SLC25A37: variants seen among roughly 807,000 people sequenced by gnomAD.
The protein encoded by SLC25A37 is solute carrier family 25 member 37.
Under a neutral mutation model 31.0 loss-of-function variants are expected in SLC25A37, and 17 were observed. That is an observed-to-expected ratio of 0.55 (90% CI 0.38 to 0.82). SLC25A37 has a LOEUF of 0.82. Ranked by LOEUF, SLC25A37 falls within the 40% of genes least tolerant of loss-of-function variation. SLC25A37 has a pLI of 0.00. For synonymous variants in SLC25A37, 222 were observed against 193.0 expected (o/e 1.15, Z -1.24); for missense variants, 404 against 465.8 (o/e 0.87, Z 1.22).
chr8:23,570,113 G>A (rs1312193119), intron 3 of SLC25A37, among the ~76,000 whole-genome samples: 1 of 152,128 alleles, frequency 6.6e-6, no homozygotes, highest in Admixed American at 6.5e-5. Flanking sequence ...TGGTCTGGGT[G>A]CTGAGGTTGA....
chr8:23,533,901 G>T (rs529680389), intron 1 of SLC25A37, among the ~76,000 whole-genome samples: 2 of 152,208 alleles, frequency 1.3e-5, no homozygotes, highest in African/African-American at 4.8e-5. Context: ...TTTGTCATAG[G>T]AGGGGTATAT....
Position 23,571,320 on chromosome 8 carries a change from C to G in SLC25A37, c.497-15C>G. On this transcript the variant is annotated splice_polypyrimidine_tract_variant and intron_variant, in intron 3 of 3. Transcript: ENST00000519973. ...CTGGCTGTCCGTCTGGCCTGCCCCG[C>G]GGTTCCAACCACAGTGGTGAAGCAG... The G allele has an allele frequency of 1.3e-6, 2 of 1,541,394 alleles. No individual in the cohort carries two copies. The highest frequency in any genetic ancestry group is 1.3e-5 in the South Asian group (1 of 79,192).
intron 1 of SLC25A37, among the ~76,000 whole-genome samples, chr8:23,553,491 TG>T (rs1802283191): frequency 1.3e-5 from 2 of 151,996 alleles, no homozygotes; most frequent in Non-Finnish European, 2.9e-5. Context: ...TCCTTACTTA[TG>T]AGTGGGATGT....
At position 23,546,539 on chromosome 8, in the gene SLC25A37, A is replaced by ATG. The variant is rs1802052623; in HGVS notation, c.210+17328_210+17329insGT. Among the ~76,000 whole-genome samples the ATG allele has an allele frequency of 1.2e-4, 3 of 24,484 alleles. No homozygotes were observed. The East Asian group carries it at 2.7e-3, about 22-fold the overall frequency. The allele number at this position is 24,484 out of a possible 152,430, so 16.1% of individuals were successfully genotyped here. On this transcript the variant is annotated intron_variant, in intron 1 of 3. Coordinates refer to ENST00000519973, the MANE Select transcript of SLC25A37 (RefSeq NM_016612.4). ...TATATATATATATAGGTGTATATAT[A>ATG]TATATATATATATAGTGTATATATA...
intron 1 of SLC25A37, among the ~76,000 whole-genome samples, chr8:23,537,274 C>A (rs1801789513): frequency 6.6e-6 from 1 of 151,634 alleles, no homozygotes; most frequent in South Asian, 2.1e-4. Flanking sequence ...TGTTTTTCTC[C>A]CCAGCAGTTG....
chr8:23,550,385 C>T (rs1443387020), intron 1 of SLC25A37, among the ~76,000 whole-genome samples: 3 of 152,090 alleles, frequency 2.0e-5, no homozygotes, highest in Admixed American at 6.6e-5. Context: ...CACATGCAGA[C>T]GCATCACTTG....
At chr8:23,552,151 T>C (rs1399117006) in intron 1 of SLC25A37, among the ~76,000 whole-genome samples, 1 of 152,228 alleles carries the variant, frequency 6.6e-6, no homozygotes, top group East Asian at 1.9e-4. Context: ...TGGTTCTTAA[T>C]GATAATTTAA....
intron 1 of SLC25A37, among the ~76,000 whole-genome samples, chr8:23,547,685 GA>G (rs1168510801): frequency 3.3e-5 from 5 of 152,226 alleles, no homozygotes; most frequent in African/African-American, 1.2e-4. Context: ...GCAGTGGTGG[GA>G]AGGACCAGCG....
intron 1 of SLC25A37, among the ~76,000 whole-genome samples, chr8:23,535,805 T>G (rs996310470): frequency 1.3e-5 from 2 of 151,768 alleles, no homozygotes; most frequent in African/African-American, 4.8e-5. Flanking sequence ...GTGAAAGGGG[T>G]TTTCCCCATA....
At chr8:23,546,608 G>GTATATATA (rs1563256347) in intron 1 of SLC25A37, among the ~76,000 whole-genome samples, 1 of 87,660 alleles carries the variant, frequency 1.1e-5, no homozygotes, top group South Asian at 3.4e-4. Context: ...GTGTATGTGT[G>GTATATATA]TGTGTGTGTG....
chr8:23,528,961 T>A lies in SLC25A37; in HGVS notation c.-42T>A. 1 of 1,411,050 alleles carries A rather than the reference T, an allele frequency of 7.1e-7. No homozygotes were observed. Among genetic ancestry groups the A allele is most frequent in the Non-Finnish European group, 9.3e-7 (1 of 1,079,464 alleles). The allele number at this position is 1,411,050 out of a possible 1,614,324, so 87.4% of individuals were successfully genotyped here. On this transcript the variant is annotated 5_prime_UTR_variant, in exon 1 of 4. Coordinates refer to ENST00000519973, the MANE Select transcript of SLC25A37 (RefSeq NM_016612.4). The stretch of plus-strand genomic sequence containing the variant: ...GAAGTTTTGCGCCCCTCCCCCTCCC[T>A]GCCCACCTCCTGCAGCCTCCTGCGC...
At chr8:23,535,614 A>G (rs530456477) in intron 1 of SLC25A37, among the ~76,000 whole-genome samples, 122 of 152,300 alleles carry the variant, frequency 8.0e-4, no homozygotes, top group Non-Finnish European at 9.3e-4. Context: ...AAGTGGGGAT[A>G]TGAATACTGT....
chr8:23,573,712 GC>G lies in SLC25A37; in HGVS notation c.*1859del, dbSNP rs766869447. On this transcript the variant is annotated 3_prime_UTR_variant, in exon 4 of 4. Coordinates refer to ENST00000519973, the MANE Select transcript of SLC25A37 (RefSeq NM_016612.4). The stretch of plus-strand genomic sequence containing the variant: ...TTTTTCAGATCAGGGATGGGAAAGA[GC>G]CAAACTGGGTACCTCCCACGTGTGC... The G allele has an allele frequency of 1.1e-4, 47 of 439,122 alleles. No homozygotes were observed. The highest frequency in any genetic ancestry group is 3.3e-4 in the Middle Eastern group (1 of 3,036). The allele number at this position is 439,122 out of a possible 1,614,324, so 27.2% of individuals were successfully genotyped here.
rs1195062160 is a variant in SLC25A37 at position 23,575,008 on chromosome 8, A to T, written c.*3153A>T. On this transcript the variant is annotated 3_prime_UTR_variant, in exon 4 of 4. Coordinates refer to ENST00000519973, the MANE Select transcript of SLC25A37 (RefSeq NM_016612.4). ...AACTGATTTTTTCCAAATGGGTGAAATCTTCTCCCCATGACTATGTTTTCT... is the reference window on the plus strand; with the variant it reads ...AACTGATTTTTTCCAAATGGGTGAATTCTTCTCCCCATGACTATGTTTTCT... 1.3e-5 allele frequency: 2 copies of T among 152,204 alleles called. No homozygotes were observed. The highest frequency in any genetic ancestry group is 1.3e-4 in the Admixed American group (2 of 15,286). 9.4% of individuals were successfully genotyped at this position (152,204 alleles called of 1,614,324 possible). A position where few individuals can be genotyped will look rare whatever the true frequency, so the allele number is the denominator to read the frequency against.
At chr8:23,551,407 C>T (rs2928673) in intron 1 of SLC25A37, among the ~76,000 whole-genome samples, 71,672 of 151,786 alleles carry the variant, frequency 0.47, 17,508 homozygotes, top group African/African-American at 0.6. Flanking sequence ...GTTGGGGCAG[C>T]TGAAGGGAAG....
At position 23,575,009 on chromosome 8, in the gene SLC25A37, T is replaced by C. The variant is rs1276464471; in HGVS notation, c.*3154T>C. The C allele has an allele frequency of 1.3e-5, 2 of 152,278 alleles. No individual in the cohort carries two copies. Among genetic ancestry groups the C allele is most frequent in the African/African-American group, 2.4e-5 (1 of 41,462 alleles). The allele number at this position is 152,278 out of a possible 1,614,324, so 9.4% of individuals were successfully genotyped here. A position where few individuals can be genotyped will look rare whatever the true frequency, so the allele number is the denominator to read the frequency against. ...ACTGATTTTTTCCAAATGGGTGAAA[T>C]CTTCTCCCCATGACTATGTTTTCTT... On this transcript the variant is annotated 3_prime_UTR_variant, in exon 4 of 4. Coordinates refer to ENST00000519973, the MANE Select transcript of SLC25A37 (RefSeq NM_016612.4).
intron 1 of SLC25A37, among the ~76,000 whole-genome samples, chr8:23,545,587 CA>C (rs1802013530): frequency 6.6e-6 from 1 of 152,208 alleles, no homozygotes; most frequent in Admixed American, 6.5e-5. Flanking sequence ...GTCTTTGTTA[CA>C]AAATCTCTTT....
intron 1 of SLC25A37, chr8:23,531,579 C>G (rs1801662361): frequency 1.3e-5 from 2 of 151,514 alleles, no homozygotes; most frequent in Non-Finnish European, 2.9e-5. Flanking sequence ...TAAATCGGAT[C>G]TTGAAAGAGA....
chr8:23,531,353 C>T (rs1229963707), intron 1 of SLC25A37, among the ~76,000 whole-genome samples: 1 of 152,172 alleles, frequency 6.6e-6, no homozygotes, highest in African/African-American at 2.4e-5. Context: ...TCAAGAAACC[C>T]GGGTTGGGCT....
Sources: gnomAD v4.1 joint callset for allele counts (sites outside exome capture counted in the v4.1 genomes callset) on GRCh38, gnomAD v4.1.1 for gene constraint, MANE v1.5 for transcripts, NCBI Gene and HGNC (gene_info 2026-07-23, HGNC 2026-07-21) for gene names.